NF1: variants seen among roughly 807,000 people sequenced by gnomAD.
NF1 encodes the protein neurofibromin 1, also known as neurofibromin.
NF1 carries 122 observed loss-of-function variants against 325.7 expected under a neutral mutation model. That is an observed-to-expected ratio of 0.37 (90% confidence interval 0.32 to 0.44). The LOEUF is 0.44. NF1 is among the 20% of genes least tolerant of loss of function. NF1 has a pLI of 1.00. For synonymous variants in NF1, 1,091 were observed against 1,186.0 expected (o/e 0.92, Z 1.65); for missense variants, 2,140 against 3,415.4 (o/e 0.63, Z 9.31).
chr17:31,338,344 C>CT (rs2069734189), intron 45 of NF1, among the ~76,000 whole-genome samples: 1 of 152,112 alleles, frequency 6.6e-6, no homozygotes, highest in Non-Finnish European at 1.5e-5. Context: ...TATGTAAACT[C>CT]TGATTACTTC....
At chr17:31,102,563 T>G (rs1188376982) in intron 1 of NF1, among the ~76,000 whole-genome samples, 1 of 151,990 alleles carries the variant, frequency 6.6e-6, no homozygotes, top group Non-Finnish European at 1.5e-5. Context: ...TGCAACATAG[T>G]GAGATGCTGT....
intron 4 of NF1, among the ~76,000 whole-genome samples, chr17:31,167,649 A>G (rs1481411445): frequency 6.6e-6 from 1 of 152,210 alleles, no homozygotes; most frequent in African/African-American, 2.4e-5. Context: ...CTCATTAGGT[A>G]GCATGATTTA....
chr17:31,175,657 C>T (rs2066009457), intron 5 of NF1, among the ~76,000 whole-genome samples: 1 of 152,060 alleles, frequency 6.6e-6, no homozygotes, highest in Non-Finnish European at 1.5e-5. Context: ...GGTATTTTTC[C>T]TAATGCTATC....
intron 3 of NF1, among the ~76,000 whole-genome samples, chr17:31,160,245 T>C (rs1030974004): frequency 7.2e-5 from 11 of 152,060 alleles, no homozygotes; most frequent in African/African-American, 2.7e-4. Context: ...ACCACCATGC[T>C]CAGCTATTTT....
At chr17:31,362,190 G>T in intron 57 of NF1, 1 of 392,980 alleles carries the variant, frequency 2.5e-6, no homozygotes, top group Non-Finnish European at 3.5e-6. Flanking sequence ...CACTAGAATT[G>T]GAGAAGCACT....
At chr17:31,304,384 T>G in intron 36 of NF1, 1 of 1,614,106 alleles carries the variant, frequency 6.2e-7, no homozygotes, top group Non-Finnish European at 8.5e-7. Context: ...TTTCATAAAA[T>G]CTACTGGTGG....
chr17:31,277,113 T>C (rs1021165098), intron 36 of NF1, among the ~76,000 whole-genome samples: 1 of 152,202 alleles, frequency 6.6e-6, no homozygotes, highest in Non-Finnish European at 1.5e-5. Flanking sequence ...GGAAGTGGAT[T>C]ATCACGAAGG....
chr17:31,310,584 A>G (rs1186206836), intron 36 of NF1, among the ~76,000 whole-genome samples: 1 of 152,152 alleles, frequency 6.6e-6, no homozygotes, highest in East Asian at 1.9e-4. Context: ...AAATTCATTT[A>G]CCTTTCATTT....
chr17:31,180,961 C>T (rs2066118985), intron 5 of NF1, among the ~76,000 whole-genome samples: 1 of 152,110 alleles, frequency 6.6e-6, no homozygotes, highest in South Asian at 2.1e-4. Context: ...AACAGACAAA[C>T]AGAGAGCCAA....
chr17:31,210,724 A>G (rs1267648071), intron 12 of NF1, among the ~76,000 whole-genome samples: 1 of 152,228 alleles, frequency 6.6e-6, no homozygotes, highest in African/African-American at 2.4e-5. Flanking sequence ...TAATACTATG[A>G]TGTAATAATT....
At chr17:31,232,238 C>A in intron 25 of NF1, 49 bp downstream of exon 25, 1 of 1,115,940 alleles carries the variant, frequency 9.0e-7, no homozygotes, top group South Asian at 1.2e-5. Flanking sequence ...AATAAAGCCC[C>A]CCACCACACA....
chr17:31,376,436 G>A lies in NF1; in HGVS notation c.*2281G>A. ...ATCAAAATTCAGCCGCCTTTGAAAT[G>A]CAAAAATACCTTTGACTAGTAAGTA... On this transcript the variant is annotated 3_prime_UTR_variant, in exon 58 of 58. Coordinates refer to ENST00000358273, the MANE Select transcript of NF1 (RefSeq NM_001042492.3). 1 of 232,504 alleles carries A rather than the reference G, an allele frequency of 4.3e-6. No homozygotes were observed. Among genetic ancestry groups the A allele is most frequent in the Non-Finnish European group, 8.5e-6 (1 of 117,598 alleles). 14.4% of individuals were successfully genotyped at this position (232,504 alleles called of 1,614,324 possible). A position where few individuals can be genotyped will look rare whatever the true frequency, so the allele number is the denominator to read the frequency against.
At chr17:31,282,357 G>A (rs891803917) in intron 36 of NF1, among the ~76,000 whole-genome samples, 3 of 149,244 alleles carry the variant, frequency 2.0e-5, no homozygotes, top group Admixed American at 1.3e-4. Context: ...ACTCAAGCCC[G>A]GGTGACAGAG....
intron 47 of NF1, 48 bp downstream of exon 47, chr17:31,340,693 T>A: frequency 6.3e-7 from 1 of 1,577,692 alleles, no homozygotes. Context: ...AATTTAGTAC[T>A]CTTCCATCTT....
chr17:31,099,254 A>T (rs1168335757), intron 1 of NF1, among the ~76,000 whole-genome samples: 1 of 152,224 alleles, frequency 6.6e-6, no homozygotes, highest in Non-Finnish European at 1.5e-5. Context: ...AACTTAGTGC[A>T]GTAGACTCAG....
intron 36 of NF1, chr17:31,303,674 T>A (rs1375848544): frequency 6.6e-6 from 1 of 152,338 alleles, no homozygotes. Flanking sequence ...TGCATCCTCA[T>A]ATTTTTTTCA....
chr17:31,112,725 T>G (rs1913526269), intron 1 of NF1, among the ~76,000 whole-genome samples: 1 of 152,142 alleles, frequency 6.6e-6, no homozygotes. Context: ...TGTTTTTTTG[T>G]TCTCAAAGTC....
intron 36 of NF1, among the ~76,000 whole-genome samples, chr17:31,325,042 G>A (rs778835104): frequency 2.0e-5 from 3 of 152,134 alleles, no homozygotes; most frequent in Admixed American, 1.3e-4. Context: ...CCTCACTGTG[G>A]CTGCTCCCAT....
chr17:31,311,300 G>A (rs2068869748), intron 36 of NF1, among the ~76,000 whole-genome samples: 1 of 152,036 alleles, frequency 6.6e-6, no homozygotes, highest in Admixed American at 6.5e-5. Context: ...AAAGGGTCCA[G>A]CATTTAAAAT....
Sources: allele counts gnomAD v4.1 joint callset (sites outside exome capture counted in the v4.1 genomes callset), GRCh38; gene constraint gnomAD v4.1.1; transcripts MANE v1.5; gene names NCBI Gene and HGNC (gene_info 2026-07-23, HGNC 2026-07-21).